Variants in PDE7A observed in about 807,000 individuals in gnomAD.
The protein encoded by PDE7A is high affinity 3',5'-cyclic-AMP phosphodiesterase 7A.
In PDE7A, 39 loss-of-function variants were observed where a neutral mutation model predicts 64.3. The observed-to-expected ratio is 0.61, with a 90% CI of 0.47 to 0.79. PDE7A has a LOEUF of 0.79. Ranked by LOEUF, PDE7A falls within the 30% of genes least tolerant of loss-of-function variation. The pLI is 0.00. For synonymous variants in PDE7A, 203 were observed against 206.8 expected (o/e 0.98, Z 0.16); for missense variants, 470 against 582.8 (o/e 0.81, Z 1.99).
At position 65,723,578 on chromosome 8, in the gene PDE7A, G is replaced by A. The variant is rs775458667; in HGVS notation, c.1206C>T (p.Cys402=). 11 of 1,580,390 alleles carry A rather than the reference G, an allele frequency of 7.0e-6. No individual in the cohort carries two copies. Among genetic ancestry groups the A allele is most frequent in the South Asian group, 2.4e-5 (2 of 83,174 alleles). The change falls in exon 12 of 13, where the codon TGC becomes TGT. Residue 402 remains cysteine, a synonymous_variant. Transcript: ENST00000401827. ...KKYHLGVSPL[C]DRHTESIANI... is the part of the protein sequence containing the mutation. ...TGGCAATAGATTCAGTGTGACGATCGCAAAGTGGACTCACACCCAAATGAT... is the reference window on the plus strand; with the variant it reads ...TGGCAATAGATTCAGTGTGACGATCACAAAGTGGACTCACACCCAAATGAT...
chr8:65,734,226 C>T (rs1454434207), intron 7 of PDE7A, among the ~76,000 whole-genome samples: 2 of 152,290 alleles, frequency 1.3e-5, no homozygotes, highest in South Asian at 2.1e-4. Flanking sequence ...CTGCCCAAAC[C>T]AGTCTTCACT....
intron 1 of PDE7A, among the ~76,000 whole-genome samples, chr8:65,816,860 G>A (rs1365168278): frequency 6.6e-6 from 1 of 152,206 alleles, no homozygotes; most frequent in African/African-American, 2.4e-5. Context: ...CCTTCTGGAT[G>A]TGTAGTTTAA....
At chr8:65,730,193 T>TTTTTTTTTTTTTTC (rs1321443430) in intron 7 of PDE7A, among the ~76,000 whole-genome samples, 6 of 136,994 alleles carry the variant, frequency 4.4e-5, no homozygotes, top group African/African-American at 1.4e-4. Context: ...TTTTTTTTTT[T>TTTTTTTTTTTTTTC]TTTTGAGATG....
chr8:65,833,983 C>T (rs1478069659), intron 1 of PDE7A, among the ~76,000 whole-genome samples: 1 of 151,998 alleles, frequency 6.6e-6, no homozygotes, highest in East Asian at 1.9e-4. Context: ...AAAAACACCA[C>T]ACTAATTAAA....
At chr8:65,839,177 T>A (rs1811016937) in intron 1 of PDE7A, among the ~76,000 whole-genome samples, 1 of 152,236 alleles carries the variant, frequency 6.6e-6, no homozygotes, top group South Asian at 2.1e-4. Flanking sequence ...TTTAAGCATA[T>A]TTTAAAGTAC....
At chr8:65,793,681 G>A (rs982421070) in intron 1 of PDE7A, among the ~76,000 whole-genome samples, 5 of 152,028 alleles carry the variant, frequency 3.3e-5, no homozygotes, top group Admixed American at 6.6e-5. Context: ...TTTTAATGTC[G>A]ACAGGGATAC....
intron 7 of PDE7A, chr8:65,728,381 C>T (rs1806695101): frequency 6.6e-6 from 1 of 152,154 alleles, no homozygotes; most frequent in African/African-American, 2.4e-5. Flanking sequence ...TCATCTCTTT[C>T]TACTCCCTGT....
At chr8:65,719,712 A>C in intron 12 of PDE7A, 1 of 558,654 alleles carries the variant, frequency 1.8e-6, no homozygotes, top group Middle Eastern at 4.7e-4. Context: ...AATTTGAGTA[A>C]AAGTGAACTG....
intron 3 of PDE7A, among the ~76,000 whole-genome samples, chr8:65,749,104 A>C (rs1563486278): frequency 6.6e-6 from 1 of 152,212 alleles, no homozygotes. Context: ...TATCTTGAAG[A>C]GGCGGGAAGC....
intron 3 of PDE7A, chr8:65,765,761 T>C (rs1297202862): frequency 6.6e-6 from 1 of 152,154 alleles, no homozygotes; most frequent in East Asian, 1.9e-4. Context: ...TACTATTTAA[T>C]AATCATGCCA....
At chr8:65,750,648 T>C (rs1303584038) in intron 3 of PDE7A, among the ~76,000 whole-genome samples, 1 of 152,106 alleles carries the variant, frequency 6.6e-6, no homozygotes, top group Non-Finnish European at 1.5e-5. Context: ...GTCACCATGG[T>C]AGGATACATA....
chr8:65,796,513 G>A (rs1809847976), intron 1 of PDE7A, among the ~76,000 whole-genome samples: 1 of 151,908 alleles, frequency 6.6e-6, no homozygotes, highest in Admixed American at 6.6e-5. Context: ...ATGAGAAGTG[G>A]CAATTATCCT....
At chr8:65,788,786 C>A in intron 1 of PDE7A, 1 of 775,538 alleles carries the variant, frequency 1.3e-6, no homozygotes, top group South Asian at 1.9e-5. Context: ...AGAATAAAAA[C>A]TGAGGCAAAA....
chr8:65,841,612 G>A lies in PDE7A; in HGVS notation c.-104C>T, dbSNP rs1004628497. ...TCGGGGGCTCCGGGCCGAGACGGGG[G>A]CAGGGCGGGCGGGGACCGACCCCGG... On this transcript the variant is annotated 5_prime_UTR_variant, in exon 1 of 13. Coordinates refer to ENST00000401827, the MANE Select transcript of PDE7A (RefSeq NM_001242318.3). 3 of 419,936 alleles carry A rather than the reference G, an allele frequency of 7.1e-6. No individual in the cohort carries two copies. The highest frequency in any genetic ancestry group is 1.0e-5 in the Non-Finnish European group (3 of 289,244). 26.0% of individuals were successfully genotyped at this position (419,936 alleles called of 1,614,324 possible).
At chr8:65,806,228 T>C (rs1810103989) in intron 1 of PDE7A, among the ~76,000 whole-genome samples, 1 of 152,164 alleles carries the variant, frequency 6.6e-6, no homozygotes, top group African/African-American at 2.4e-5. Context: ...TTTCAAACTA[T>C]CTCCCAAATG....
intron 1 of PDE7A, among the ~76,000 whole-genome samples, chr8:65,783,443 A>C (rs1265207862): frequency 1.3e-5 from 2 of 152,124 alleles, no homozygotes. Flanking sequence ...ATCTACACCA[A>C]ATATACAGCC....
intron 3 of PDE7A, among the ~76,000 whole-genome samples, chr8:65,753,057 C>G (rs1158968601): frequency 2.6e-5 from 4 of 152,070 alleles, no homozygotes; most frequent in Non-Finnish European, 5.9e-5. Context: ...TATGGTAAAG[C>G]TATTGTTTAA....
At chr8:65,798,208 T>TATATATATATATATATA (rs1282422397) in intron 1 of PDE7A, among the ~76,000 whole-genome samples, 1 of 106,552 alleles carries the variant, frequency 9.4e-6, no homozygotes, top group African/African-American at 5.1e-5. Flanking sequence ...ATATATATAT[T>TATATATATATATATATA]TTTTTTTTTT....
chr8:65,753,676 C>T (rs1456156965), intron 3 of PDE7A, among the ~76,000 whole-genome samples: 1 of 152,096 alleles, frequency 6.6e-6, no homozygotes, highest in African/African-American at 2.4e-5. Context: ...GCTCGATTTC[C>T]TTATTACTCT....
Sources: allele counts gnomAD v4.1 joint callset (sites outside exome capture counted in the v4.1 genomes callset), GRCh38; gene constraint gnomAD v4.1.1; transcripts MANE v1.5; gene names NCBI Gene and HGNC (gene_info 2026-07-23, HGNC 2026-07-21).